EIF3CL: variants seen among roughly 807,000 people sequenced by gnomAD.
The protein encoded by EIF3CL is eukaryotic translation initiation factor 3 subunit C-like protein.
For synonymous variants in EIF3CL, 2 were observed against 19.6 expected (o/e 0.10, Z 2.37); for missense variants, 5 against 56.1 (o/e 0.09, Z 2.91).
At chr16:28,387,859 A>AC (rs1259085273) in intron 15 of EIF3CL, among the ~76,000 whole-genome samples, 199 bp downstream of exon 15, 2 of 117,098 alleles carry the variant, frequency 1.7e-5, no homozygotes, top group Admixed American at 1.7e-4. Context: ...CTCAAGCACT[A>AC]CCAAGCCTGG....
the EIF3CL span, among the ~76,000 whole-genome samples, chr16:28,426,123 AAAC>A: frequency 4.6e-5 from 5 of 107,972 alleles, 2 homozygotes; most frequent in Non-Finnish European, 9.7e-5. Flanking sequence ...ACACACACGC[AAAC>A]AACAACAACC....
At chr16:28,414,121 G>GT in the EIF3CL span, 1 of 553,854 alleles carries the variant, frequency 1.8e-6, no homozygotes, top group Non-Finnish European at 3.6e-6. Context: ...TTCAGGCTGG[G>GT]TGCGGTGGCT....
chr16:28,415,505 G>C, the EIF3CL span, among the ~76,000 whole-genome samples: 1 of 140,784 alleles, frequency 7.1e-6, no homozygotes, highest in Non-Finnish European at 1.5e-5. Context: ...ATCCCAGCAC[G>C]CTGGGAGGCT....
chr16:28,417,359 C>T, the EIF3CL span, among the ~76,000 whole-genome samples: 160 of 140,088 alleles, frequency 1.1e-3, 2 homozygotes, highest in East Asian at 0.031. Flanking sequence ...ACAATGGCGG[C>T]TTTGTGGAAT....
At chr16:28,419,316 C>T in the EIF3CL span, among the ~76,000 whole-genome samples, 10 of 150,804 alleles carry the variant, frequency 6.6e-5, no homozygotes, top group Middle Eastern at 3.4e-3. Flanking sequence ...CTCTGGTTAA[C>T]TGTCTTGACA....
chr16:28,425,996 C>T, the EIF3CL span, among the ~76,000 whole-genome samples: 8 of 108,436 alleles, frequency 7.4e-5, 2 homozygotes, highest in Non-Finnish European at 1.6e-4. Context: ...GCAGGAGAAT[C>T]GCTTGAACCC....
At chr16:28,417,190 TGGG>T in the EIF3CL span, among the ~76,000 whole-genome samples, 3 of 132,518 alleles carry the variant, frequency 2.3e-5, no homozygotes, top group African/African-American at 8.8e-5. Flanking sequence ...GGGAGGGAGG[TGGG>T]GGGGGTCAGC....
intron 2 of EIF3CL, among the ~76,000 whole-genome samples, chr16:28,402,384 G>T (rs1298239884): frequency 7.1e-6 from 1 of 141,494 alleles, no homozygotes; most frequent in East Asian, 2.3e-4. Flanking sequence ...CCGCCTCCAA[G>T]GTTCAAGAGA....
the EIF3CL span, chr16:28,415,160 C>A: frequency 1.0e-5 from 3 of 299,964 alleles, 1 homozygote; most frequent in Non-Finnish European, 1.9e-5. Flanking sequence ...CCAGGCCTTC[C>A]CTGCCCTCTC....
chr16:28,417,165 C>T, the EIF3CL span, among the ~76,000 whole-genome samples: 1 of 142,378 alleles, frequency 7.0e-6, no homozygotes, highest in Non-Finnish European at 1.5e-5. Context: ...CCCCGCCCGG[C>T]CAGCCGCCCC....
chr16:28,386,806 CCCCCT>C (rs2045606292), intron 15 of EIF3CL, among the ~76,000 whole-genome samples: 1 of 73,452 alleles, frequency 1.4e-5, no homozygotes, highest in Non-Finnish European at 2.7e-5. Context: ...CACACACACA[CCCCCT>C]AAAAGATACA....
chr16:28,422,752 C>T, the EIF3CL span, among the ~76,000 whole-genome samples: 1 of 137,612 alleles, frequency 7.3e-6, no homozygotes, highest in African/African-American at 2.8e-5. Context: ...CAGGAAAATC[C>T]CTCGAACTCG....
At chr16:28,414,821 A>G in the EIF3CL span, 3 of 476,466 alleles carry the variant, frequency 6.3e-6, 1 homozygote, top group African/African-American at 4.2e-5. Context: ...GGAACTCCAA[A>G]AGGGCTTCAA....
At chr16:28,417,997 C>T in the EIF3CL span, among the ~76,000 whole-genome samples, 1 of 143,140 alleles carries the variant, frequency 7.0e-6, no homozygotes, top group Non-Finnish European at 1.5e-5. Context: ...GGGCTGAGAT[C>T]ACCCCATTGC....
chr16:28,396,667 C>CAA (rs1209977692), intron 8 of EIF3CL, among the ~76,000 whole-genome samples: 3 of 48,278 alleles, frequency 6.2e-5, no homozygotes, highest in African/African-American at 1.6e-4. Flanking sequence ...GACTCTGTCT[C>CAA]AAAAAAAAAA....
the EIF3CL span, among the ~76,000 whole-genome samples, chr16:28,417,291 C>T: frequency 1.0e-3 from 150 of 148,870 alleles, 1 homozygote; most frequent in East Asian, 1.8e-3. Context: ...CCCCTCTGAC[C>T]GGCCACCACC....
upstream of EIF3CL, among the ~76,000 whole-genome samples, chr16:28,408,022 C>T (rs1243175550): frequency 4.7e-5 from 1 of 21,330 alleles, no homozygotes; most frequent in Non-Finnish European, 1.0e-4. Flanking sequence ...TAGTTGACAC[C>T]GTGAAACCCC....
At chr16:28,418,769 A>G in the EIF3CL span, among the ~76,000 whole-genome samples, 1 of 150,126 alleles carries the variant, frequency 6.7e-6, no homozygotes, top group Non-Finnish European at 1.5e-5. Context: ...AGCCAGGATT[A>G]CAGGCACCTG....
chr16:28,396,699 A>C (rs1269035337), intron 8 of EIF3CL, among the ~76,000 whole-genome samples: 37 of 69,478 alleles, frequency 5.3e-4, no homozygotes, highest in African/African-American at 1.3e-3. Context: ...AACTTTAAAC[A>C]AGTGCAGTTA....
Sources: gnomAD v4.1 joint callset for allele counts (sites outside exome capture counted in the v4.1 genomes callset) on GRCh38, gnomAD v4.1.1 for gene constraint, MANE v1.5 for transcripts, NCBI Gene and HGNC (gene_info 2026-07-23, HGNC 2026-07-21) for gene names.